USP6NL: variants seen among roughly 807,000 people sequenced by gnomAD.
USP6NL encodes USP6 N-terminal-like protein.
Under a neutral mutation model 61.9 loss-of-function variants are expected in USP6NL, and 26 were observed. That is an observed-to-expected ratio of 0.42 (90% CI 0.31 to 0.58). The LOEUF (loss-of-function observed/expected upper bound fraction) is 0.58, where lower values mean the gene tolerates loss of function less well. Among genes scored for constraint, USP6NL ranks in the 20% least tolerant of loss-of-function variants. The pLI is 0.16. For missense variants in USP6NL, 1,114 were observed against 1,034.3 expected (o/e 1.08, Z -1.06); for synonymous variants, 432 against 390.1 (o/e 1.11, Z -1.27).
chr10:11,547,820 C>T (rs190400281), intron 2 of USP6NL, among the ~76,000 whole-genome samples: 2 of 152,268 alleles, frequency 1.3e-5, no homozygotes, highest in Non-Finnish European at 2.9e-5. Flanking sequence ...GGATTACAGG[C>T]ATGAGCCACT....
rs2096212745 is a variant in USP6NL at position 11,461,111 on chromosome 10, A to G, written c.*1330T>C. 6.6e-6 allele frequency: 1 copy of G among 152,554 alleles called. No individual in the cohort carries two copies. The highest frequency in any genetic ancestry group is 2.4e-5 in the African/African-American group (1 of 41,466). The allele number at this position is 152,554 out of a possible 1,614,324, so 9.5% of individuals were successfully genotyped here. A position where few individuals can be genotyped will look rare whatever the true frequency, so the allele number is the denominator to read the frequency against. On this transcript the variant is annotated 3_prime_UTR_variant, in exon 15 of 15. Transcript: ENST00000609104. ...ATGTCGGGTTTTCTACTATTCAAAT[A>G]TAAGCAATGTTGAAAACAAGCTCCC...
chr10:11,527,476 A>C (rs771621104), intron 3 of USP6NL, 24 bp downstream of exon 3: 43 of 1,580,224 alleles, frequency 2.7e-5, no homozygotes, highest in South Asian at 1.2e-5. Flanking sequence ...AAACTCACCC[A>C]AAGTGTTAAA....
intron 1 of USP6NL, among the ~76,000 whole-genome samples, chr10:11,608,024 C>T (rs1019159132): frequency 2.0e-5 from 3 of 152,118 alleles, no homozygotes; most frequent in Admixed American, 6.5e-5. Context: ...TGTAGGCAAA[C>T]GAAAACTACT....
intron 4 of USP6NL, among the ~76,000 whole-genome samples, chr10:11,521,626 C>T (rs980982320): frequency 1.3e-5 from 2 of 152,006 alleles, no homozygotes; most frequent in Non-Finnish European, 2.9e-5. Flanking sequence ...GTGATCCGCC[C>T]GCCTGGGCCT....
Position 11,562,538 on chromosome 10 carries a change from G to C in USP6NL, c.5-34971C>G, listed in dbSNP as rs1234497749. 25 of 985,406 alleles carry C rather than the reference G, an allele frequency of 2.5e-5. No homozygotes were observed. The highest frequency in any genetic ancestry group is 3.0e-5 in the Non-Finnish European group (25 of 829,932). 61.0% of individuals were successfully genotyped at this position (985,406 alleles called of 1,614,324 possible). ...TCACTCAAGACATTGCTTGGCCACT[G>C]TGACTACTCTGAGTCTAGCTAGCCT... On this transcript the variant is annotated intron_variant, in intron 2 of 14. Coordinates refer to ENST00000609104, the MANE Select transcript of USP6NL (RefSeq NM_014688.5). The surrounding 1 kb of genome is among the most constrained non-coding windows in gnomAD (Gnocchi z 4.8).
rs1384885474 is a variant in USP6NL at position 11,474,172 on chromosome 10, G to GT, written c.1078+7597dup. On this transcript the variant is annotated intron_variant, in intron 14 of 14. Transcript: ENST00000609104. This position sits in a 1 kb window ranked among gnomAD's most constrained non-coding sequence, Gnocchi z 4.9. ...AGAATCAAAGGTGATTAATTCTGTA[G>GT]TTTTTTGCATTAAGGAATCTGTTTG... Among the ~76,000 whole-genome samples, 2 of 152,148 alleles carry GT rather than the reference G, an allele frequency of 1.3e-5. No individual in the cohort carries two copies. Among genetic ancestry groups the GT allele is most frequent in the Admixed American group, 1.3e-4 (2 of 15,286 alleles).
At position 11,528,332 on chromosome 10, in the gene USP6NL, C is replaced by T. The variant is rs1174619418; in HGVS notation, c.5-765G>A. ...AAAAAAAAAGCATTCTAAGAGAAAA[C>T]TAGGCAAAGGTTATGAGCAAGAAAT... is the stretch of plus-strand genomic sequence containing the variant. On this transcript the variant is annotated intron_variant, in intron 2 of 14. Coordinates refer to ENST00000609104, the MANE Select transcript of USP6NL (RefSeq NM_014688.5). The surrounding 1 kb of genome is among the most constrained non-coding windows in gnomAD (Gnocchi z 4.6). 6.7e-6 allele frequency among the ~76,000 whole-genome samples: 1 copy of T among 150,270 alleles called. No homozygotes were observed. The highest frequency in any genetic ancestry group is 1.9e-4 in the East Asian group (1 of 5,140).
In USP6NL at chr10:11,468,208, C is replaced by T. The variant is rs1264700945; in HGVS notation, c.1079-4359G>A. 6.6e-6 allele frequency among the ~76,000 whole-genome samples: 1 copy of T among 152,160 alleles called. No individual in the cohort carries two copies. The highest frequency in any genetic ancestry group is 1.5e-5 in the Non-Finnish European group (1 of 68,028). On this transcript the variant is annotated intron_variant, in intron 14 of 14. Coordinates refer to ENST00000609104, the MANE Select transcript of USP6NL (RefSeq NM_014688.5). The surrounding 1 kb of genome is among the most constrained non-coding windows in gnomAD (Gnocchi z 4.5). ...CTTGTCTGTGATTTACATTATTCAACTTTAATCCTCTGTAAAAAGTGGAAC... is the reference window on the plus strand; with the variant it reads ...CTTGTCTGTGATTTACATTATTCAATTTTAATCCTCTGTAAAAAGTGGAAC...
rs1282365433 is a variant in USP6NL, at chr10:11,491,842, A to C, written c.495-962T>G. 1.3e-5 allele frequency among the ~76,000 whole-genome samples: 2 copies of C among 152,204 alleles called. No homozygotes were observed. On this transcript the variant is annotated intron_variant, in intron 8 of 14. Coordinates refer to ENST00000609104, the MANE Select transcript of USP6NL (RefSeq NM_014688.5). The surrounding 1 kb of genome is among the most constrained non-coding windows in gnomAD (Gnocchi z 4.7). The stretch of plus-strand genomic sequence containing the variant: ...ACCACAACCATCTGAGTGCTTGCTG[A>C]GGGCAAAGGGAATATGGAATGGGCA...
chr10:11,534,655 C>A (rs114795732), intron 2 of USP6NL, among the ~76,000 whole-genome samples: 1 of 152,136 alleles, frequency 6.6e-6, no homozygotes, highest in Non-Finnish European at 1.5e-5. Flanking sequence ...TCTGACATGA[C>A]GTAAAATACA....
intron 5 of USP6NL, among the ~76,000 whole-genome samples, chr10:11,515,639 G>A (rs1393560043): frequency 3.9e-5 from 6 of 152,162 alleles, no homozygotes; most frequent in Non-Finnish European, 2.9e-5. Flanking sequence ...GGGAAAAACC[G>A]ACACATATCT....
Position 11,462,957 on chromosome 10 carries a change from C to A in USP6NL, c.1971G>T (p.Gln657His). ...PTANSSFASP[Q>H]FSPGTQLNPS... ...GATTCAGTTGAGTCCCAGGGCTAAA[C>A]TGTGGAGAAGCAAAGCTGCTGTTGG... Residue 657 changes from glutamine (Q) to histidine (H), a missense_variant, in exon 15 of 15, where the codon CAG (glutamine) becomes CAT (histidine). Transcript: ENST00000609104. 1.2e-6 allele frequency: 2 copies of A among 1,613,742 alleles called. No homozygotes were observed. Among genetic ancestry groups the A allele is most frequent in the Non-Finnish European group, 1.7e-6 (2 of 1,179,812 alleles).
chr10:11,467,052 G>A (rs1381994571), intron 14 of USP6NL, among the ~76,000 whole-genome samples: 2 of 152,060 alleles, frequency 1.3e-5, no homozygotes, highest in Non-Finnish European at 1.5e-5. Flanking sequence ...TTCAATCTGG[G>A]ATCTCCCTGG....
At chr10:11,576,459 C>T (rs529392650) in intron 2 of USP6NL, among the ~76,000 whole-genome samples, 2 of 152,318 alleles carry the variant, frequency 1.3e-5, no homozygotes, top group South Asian at 4.1e-4. Flanking sequence ...TTGATTAAAT[C>T]ACAGGAGCAG....
intron 2 of USP6NL, among the ~76,000 whole-genome samples, chr10:11,543,890 C>A (rs1836170371): frequency 7.3e-6 from 1 of 136,722 alleles, no homozygotes; most frequent in Non-Finnish European, 1.5e-5. Flanking sequence ...CGGCTCACTG[C>A]AACCTCCGCC....
intron 14 of USP6NL, among the ~76,000 whole-genome samples, chr10:11,472,828 CCAG>C (rs1440310621): frequency 1.3e-5 from 2 of 151,840 alleles, no homozygotes; most frequent in African/African-American, 4.8e-5. Flanking sequence ...ACTTTTTTTC[CCAG>C]CAGATTAAAC....
intron 14 of USP6NL, among the ~76,000 whole-genome samples, chr10:11,477,833 G>GA (rs1486681922): frequency 2.0e-5 from 3 of 151,958 alleles, no homozygotes; most frequent in African/African-American, 7.3e-5. Context: ...GTTTTAAAGG[G>GA]AAAAAAATGA....
rs528555228 is a variant in USP6NL at position 11,465,731 on chromosome 10, C to T, written c.1079-1882G>A. 6.6e-6 allele frequency among the ~76,000 whole-genome samples: 1 copy of T among 152,208 alleles called. No individual in the cohort carries two copies. Among genetic ancestry groups the T allele is most frequent in the South Asian group, 2.1e-4 (1 of 4,820 alleles). On this transcript the variant is annotated intron_variant, in intron 14 of 14. Transcript: ENST00000609104. The surrounding 1 kb of genome is among the most constrained non-coding windows in gnomAD (Gnocchi z 4.5). ...CTGAGTTCCATGTTTCAGTCTGCAT[C>T]AATTCTCAATTCTCAATTAATGAAA... is the stretch of plus-strand genomic sequence containing the variant.
intron 2 of USP6NL, among the ~76,000 whole-genome samples, chr10:11,581,604 AACAT>A (rs1462783713): frequency 1.3e-5 from 2 of 152,278 alleles, no homozygotes; most frequent in Admixed American, 6.5e-5. Flanking sequence ...TATTGTGACA[AACAT>A]AATCTGTAAA....
Sources: gnomAD v4.1 joint callset for allele counts (sites outside exome capture counted in the v4.1 genomes callset) on GRCh38, gnomAD v4.1.1 for gene constraint, Gnocchi (gnomAD v3.1) non-coding constraint, MANE v1.5 for transcripts, NCBI Gene and HGNC (gene_info 2026-07-23, HGNC 2026-07-21) for gene names.